The following SEMA3C variants were observed in gnomAD, a reference collection of about 807,000 sequenced individuals.
The protein encoded by SEMA3C is semaphorin 3C, also known as semaphorin-3C.
SEMA3C carries 47 observed loss-of-function variants against 89.4 expected under a neutral mutation model. That is an observed-to-expected ratio of 0.53 (90% CI 0.42 to 0.67). The LOEUF (loss-of-function observed/expected upper bound fraction) is 0.67, where lower values mean the gene tolerates loss of function less well. SEMA3C is among the 30% of genes least tolerant of loss of function. The probability of loss-of-function intolerance (pLI) is 0.00; values close to 1 mark genes in which losing one functional copy is unlikely to be tolerated. For synonymous variants in SEMA3C, 310 were observed against 320.2 expected, an observed-to-expected ratio of 0.97 and a Z score of 0.34; for missense variants, 839 against 929.1, an observed-to-expected ratio of 0.90 and a Z score of 1.26.
At chr7:80,777,020 T>C (rs1788565056) in intron 12 of SEMA3C, among the ~76,000 whole-genome samples, 1 of 152,200 alleles carries the variant, frequency 6.6e-6, no homozygotes, top group African/African-American at 2.4e-5. Flanking sequence ...TATAGGTACA[T>C]GTGTGTATGT....
chr7:80,862,324 T>A (rs1790791269), intron 2 of SEMA3C, among the ~76,000 whole-genome samples: 1 of 151,842 alleles, frequency 6.6e-6, no homozygotes, highest in South Asian at 2.1e-4. Context: ...AACCAAGAAC[T>A]CAACCACTTT....
intron 2 of SEMA3C, among the ~76,000 whole-genome samples, chr7:80,895,455 G>C (rs1380749434): frequency 1.3e-5 from 2 of 152,082 alleles, no homozygotes; most frequent in African/African-American, 4.8e-5. Flanking sequence ...TGCATCTAAT[G>C]TTCAGATGCA....
intron 12 of SEMA3C, among the ~76,000 whole-genome samples, chr7:80,774,633 G>A (rs1266267887): frequency 6.6e-6 from 1 of 152,044 alleles, no homozygotes; most frequent in Non-Finnish European, 1.5e-5. Flanking sequence ...AGAGAAAAAA[G>A]TCAATGAACT....
chr7:80,917,290 T>C (rs1358408641), intron 1 of SEMA3C, among the ~76,000 whole-genome samples: 1 of 152,254 alleles, frequency 6.6e-6, no homozygotes, highest in African/African-American at 2.4e-5. Context: ...TTAGCTCTTT[T>C]GGAGTAATTG....
At chr7:80,754,345 C>T (rs554125962) in intron 15 of SEMA3C, among the ~76,000 whole-genome samples, 1 of 152,230 alleles carries the variant, frequency 6.6e-6, no homozygotes, top group Admixed American at 6.5e-5. Flanking sequence ...AACTGTATTT[C>T]TCTGTTTGTA....
chr7:80,910,288 C>A (rs1472188868), intron 2 of SEMA3C, among the ~76,000 whole-genome samples: 1 of 152,094 alleles, frequency 6.6e-6, no homozygotes, highest in African/African-American at 2.4e-5. Context: ...AGTAACATAT[C>A]CCTATTGAGA....
chr7:80,847,734 T>C (rs1790423275), intron 2 of SEMA3C, among the ~76,000 whole-genome samples: 1 of 152,164 alleles, frequency 6.6e-6, no homozygotes, highest in Non-Finnish European at 1.5e-5. Flanking sequence ...TGGCAACTGG[T>C]GTTAAGAGCC....
intron 12 of SEMA3C, among the ~76,000 whole-genome samples, chr7:80,765,563 T>A (rs891120185): frequency 2.1e-5 from 3 of 140,024 alleles, no homozygotes; most frequent in Non-Finnish European, 4.5e-5. Context: ...CATAAGTTTT[T>A]TTTGTTTTGT....
At chr7:80,863,842 TCAC>T (rs1338981642) in intron 2 of SEMA3C, among the ~76,000 whole-genome samples, 2 of 112,470 alleles carry the variant, frequency 1.8e-5, no homozygotes, top group African/African-American at 9.3e-5. Flanking sequence ...GATATATATA[TCAC>T]ATATCACATA....
At chr7:80,900,123 T>C (rs921011640) in intron 2 of SEMA3C, among the ~76,000 whole-genome samples, 9 of 152,182 alleles carry the variant, frequency 5.9e-5, no homozygotes, top group Middle Eastern at 3.4e-3. Flanking sequence ...ATGTTTTTTT[T>C]TTTTCTTTGA....
intron 12 of SEMA3C, among the ~76,000 whole-genome samples, chr7:80,775,927 T>C (rs1470443999): frequency 6.6e-6 from 1 of 152,150 alleles, no homozygotes; most frequent in African/African-American, 2.4e-5. Context: ...TGAGCATATG[T>C]ATCTTAGGCA....
At chr7:80,776,412 C>T (rs1213422803) in intron 12 of SEMA3C, among the ~76,000 whole-genome samples, 1 of 152,122 alleles carries the variant, frequency 6.6e-6, no homozygotes, top group African/African-American at 2.4e-5. Flanking sequence ...CAACTATAAT[C>T]CTTTCTGTTT....
intron 2 of SEMA3C, among the ~76,000 whole-genome samples, chr7:80,895,606 C>T (rs1039265683): frequency 5.9e-5 from 9 of 152,146 alleles, no homozygotes; most frequent in Non-Finnish European, 1.2e-4. Context: ...TCACACTACA[C>T]ATGTGCACGG....
intron 2 of SEMA3C, among the ~76,000 whole-genome samples, chr7:80,914,700 A>G (rs1180788399): frequency 2.6e-5 from 4 of 152,206 alleles, no homozygotes; most frequent in Non-Finnish European, 5.9e-5. Flanking sequence ...AATATCAGGA[A>G]TTATAGAACT....
intron 15 of SEMA3C, among the ~76,000 whole-genome samples, chr7:80,755,581 T>C (rs2117042561): frequency 6.6e-6 from 1 of 151,762 alleles, no homozygotes; most frequent in Middle Eastern, 3.4e-3. Flanking sequence ...CTTTCTTCCT[T>C]GGAAGGTATA....
chr7:80,908,610 A>C (rs943552059), intron 2 of SEMA3C, among the ~76,000 whole-genome samples: 1 of 152,152 alleles, frequency 6.6e-6, no homozygotes, highest in Non-Finnish European at 1.5e-5. Context: ...GATGCTTTAC[A>C]TATTATGTGC....
At chr7:80,769,660 C>A (rs1267610765) in intron 12 of SEMA3C, among the ~76,000 whole-genome samples, 1 of 152,066 alleles carries the variant, frequency 6.6e-6, no homozygotes, top group Non-Finnish European at 1.5e-5. Flanking sequence ...GAGTTAGAGA[C>A]CAGCCTGGCC....
chr7:80,893,552 T>C (rs1360395728), intron 2 of SEMA3C, among the ~76,000 whole-genome samples: 1 of 152,144 alleles, frequency 6.6e-6, no homozygotes, highest in Non-Finnish European at 1.5e-5. Flanking sequence ...TGTAAGTTCA[T>C]GGCAAGAAAG....
chr7:80,848,827 A>C, intron 2 of SEMA3C, among the ~76,000 whole-genome samples: 1 of 152,166 alleles, frequency 6.6e-6, no homozygotes, highest in East Asian at 1.9e-4. Flanking sequence ...TAGTCTTCTC[A>C]GTCTATGTTT....
Sources: gnomAD v4.1 joint callset for allele counts (sites outside exome capture counted in the v4.1 genomes callset) on GRCh38, gnomAD v4.1.1 for gene constraint, MANE v1.5 for transcripts, NCBI Gene and HGNC (gene_info 2026-07-23, HGNC 2026-07-21) for gene names.